TPRG1: variants seen among roughly 807,000 people sequenced by gnomAD.
TPRG1 encodes the protein tumor protein p63-regulated gene 1 protein.
A neutral mutation model predicts 29.3 loss-of-function variants in TPRG1; 29 were observed. The observed-to-expected ratio is 0.99, with a 90% CI of 0.74 to 1.35. The LOEUF is 1.35. TPRG1 is among the 40% of genes most tolerant of loss of function. TPRG1 has a pLI of 0.00. For missense variants in TPRG1, 327 were observed against 335.0 expected (o/e 0.98, Z 0.19); for synonymous variants, 130 against 116.8 (o/e 1.11, Z -0.73).
At chr3:189,281,121 C>T (rs1717058279) in intron 4 of TPRG1, among the ~76,000 whole-genome samples, 1 of 152,170 alleles carries the variant, frequency 6.6e-6, no homozygotes, top group Non-Finnish European at 1.5e-5. Context: ...ACTCATTTAA[C>T]ACACTATAAG....
chr3:189,141,034 C>A (rs796702735), intron 3 of TPRG1, among the ~76,000 whole-genome samples: 1 of 152,164 alleles, frequency 6.6e-6, no homozygotes, highest in East Asian at 1.9e-4. Context: ...GTACATCAAG[C>A]TTTATAAAAT....
intron 3 of TPRG1, among the ~76,000 whole-genome samples, chr3:189,019,068 T>C (rs1399434068): frequency 7.9e-5 from 12 of 151,974 alleles, no homozygotes; most frequent in African/African-American, 2.9e-4. Flanking sequence ...TTGTGATTTT[T>C]GTACATTGAT....
intron 5 of TPRG1, among the ~76,000 whole-genome samples, chr3:189,317,054 G>A (rs1723651153): frequency 6.6e-6 from 1 of 152,138 alleles, no homozygotes; most frequent in Non-Finnish European, 1.5e-5. Context: ...AATTCATTGA[G>A]TATGAAATAG....
intron 1 of TPRG1, among the ~76,000 whole-genome samples, chr3:189,191,707 C>T (rs1731718900): frequency 6.6e-6 from 1 of 152,210 alleles, no homozygotes; most frequent in Admixed American, 6.5e-5. Flanking sequence ...TACAGCCCCA[C>T]AAGATGAGAA....
At chr3:189,033,009 G>A (rs777227263) in intron 4 of TPRG1, among the ~76,000 whole-genome samples, 10 of 151,902 alleles carry the variant, frequency 6.6e-5, no homozygotes, top group Non-Finnish European at 1.0e-4. Context: ...TCCCACAACC[G>A]TGCACACGAT....
chr3:189,122,430 T>C (rs950074296), intron 1 of TPRG1, among the ~76,000 whole-genome samples: 5 of 152,244 alleles, frequency 3.3e-5, no homozygotes, highest in Non-Finnish European at 5.9e-5. Flanking sequence ...TATTTCAAAA[T>C]ATAACCAGGA....
rs368350829 is a variant in TPRG1 at position 189,225,153 on chromosome 3, G to A, written c.302+9770G>A. Reference sequence around the variant, plus strand: ...TCACTCTGTTAGCCAGGATGGTCTCGATCTCCTGACCTCATGATCCGCCCA... The same window carrying A: ...TCACTCTGTTAGCCAGGATGGTCTCAATCTCCTGACCTCATGATCCGCCCA... On this transcript the variant is annotated intron_variant, in intron 3 of 5. Coordinates refer to ENST00000345063, the MANE Select transcript of TPRG1 (RefSeq NM_198485.4). 1.2e-4 allele frequency among the ~76,000 whole-genome samples: 19 copies of A among 152,134 alleles called. No homozygotes were observed. In the East Asian group the frequency reaches 3.3e-3, roughly 26 times the overall value.
intron 4 of TPRG1, among the ~76,000 whole-genome samples, chr3:189,282,208 T>C (rs1406380638): frequency 1.0e-4 from 4 of 39,856 alleles, no homozygotes; most frequent in African/African-American, 7.6e-4. Flanking sequence ...GGCATAATAG[T>C]CCTTTCCAAA....
chr3:189,300,685 CT>C (rs907474980), intron 4 of TPRG1, among the ~76,000 whole-genome samples: 2 of 152,190 alleles, frequency 1.3e-5, no homozygotes, highest in African/African-American at 4.8e-5. Context: ...CTGCATCTGG[CT>C]TTTCACTTCC....
At chr3:189,025,443 T>A (rs552660115) in intron 4 of TPRG1, among the ~76,000 whole-genome samples, 1 of 152,324 alleles carries the variant, frequency 6.6e-6, no homozygotes, top group South Asian at 2.1e-4. Flanking sequence ...CCTGGATATT[T>A]CAGTTGAAGG....
At chr3:189,000,261 G>A (rs1342610233) in intron 1 of TPRG1, among the ~76,000 whole-genome samples, 1 of 151,860 alleles carries the variant, frequency 6.6e-6, no homozygotes, top group East Asian at 1.9e-4. Context: ...GGTGGTTGTT[G>A]GATTCAATGT....
At chr3:189,315,396 C>G in intron 5 of TPRG1, 1 of 417,662 alleles carries the variant, frequency 2.4e-6, no homozygotes, top group Non-Finnish European at 4.8e-6. Flanking sequence ...ATCTCAAAAC[C>G]TGGCTCAATT....
At chr3:189,157,078 C>G (rs978653377) in intron 5 of TPRG1, among the ~76,000 whole-genome samples, 6 of 152,202 alleles carry the variant, frequency 3.9e-5, no homozygotes, top group African/African-American at 9.7e-5. Flanking sequence ...CACCTGCTGT[C>G]ACTCTCTCTT....
chr3:189,045,158 A>T (rs1714896178), intron 4 of TPRG1, among the ~76,000 whole-genome samples: 1 of 152,218 alleles, frequency 6.6e-6, no homozygotes, highest in African/African-American at 2.4e-5. Flanking sequence ...TTTTAAAAAC[A>T]TTACACTAAG....
At chr3:189,268,605 A>T (rs1714540196) in intron 4 of TPRG1, among the ~76,000 whole-genome samples, 1 of 152,214 alleles carries the variant, frequency 6.6e-6, no homozygotes, top group South Asian at 2.1e-4. Context: ...TGATACATTT[A>T]GTGTGATGGC....
chr3:189,123,315 T>C (rs917019557), intron 1 of TPRG1, among the ~76,000 whole-genome samples: 1 of 152,198 alleles, frequency 6.6e-6, no homozygotes, highest in Non-Finnish European at 1.5e-5. Context: ...AGATTTATGA[T>C]TGGTCTGTTA....
rs140339796 is a variant in TPRG1 at position 189,103,888 on chromosome 3, G to A, written c.-744+3684G>A. Among the ~76,000 whole-genome samples, 1,086 of 152,212 alleles carry A rather than the reference G, an allele frequency of 7.1e-3. 11 individuals are homozygous for A. Among genetic ancestry groups the A allele is most frequent in the African/African-American group, 0.025 (1,050 of 41,536 alleles). ...AAAATCACGGCCCATCACAGTTCCT[G>A]AGTTTTTCATTTTATAGTTTTCAGT... On this transcript the variant is annotated intron_variant, in intron 1 of 6. Coordinates refer to the TPRG1 transcript ENST00000412373.
At chr3:189,175,202 A>G (rs1729321814) in intron 1 of TPRG1, among the ~76,000 whole-genome samples, 1 of 152,212 alleles carries the variant, frequency 6.6e-6, no homozygotes, top group African/African-American at 2.4e-5. Flanking sequence ...CTCACGAAGA[A>G]GAGATTTATG....
intron 3 of TPRG1, among the ~76,000 whole-genome samples, chr3:189,022,901 C>A (rs753949612): frequency 6.6e-6 from 1 of 152,216 alleles, no homozygotes; most frequent in African/African-American, 2.4e-5. Flanking sequence ...TAGGACCCTC[C>A]GAGCCAGGTG....
Sources: gnomAD v4.1 joint callset for allele counts (sites outside exome capture counted in the v4.1 genomes callset) on GRCh38, gnomAD v4.1.1 for gene constraint, MANE v1.5 for transcripts, NCBI Gene and HGNC (gene_info 2026-07-23, HGNC 2026-07-21) for gene names.